The following FN1 variants were observed in gnomAD, a reference collection of about 807,000 sequenced individuals.
FN1 encodes the protein fibronectin 1, also known as fibronectin.
In FN1, 106 loss-of-function variants were observed where a neutral mutation model predicts 297.3. The ratio of observed to expected loss-of-function variants is 0.36; its 90% confidence interval spans 0.30 to 0.42. The LOEUF is 0.42. Among genes scored for constraint, FN1 ranks in the 10% least tolerant of loss-of-function variants. The pLI, the probability that FN1 is intolerant of heterozygous loss-of-function variation, is 1.00. For synonymous variants in FN1, 1,149 were observed against 1,152.6 expected, an observed-to-expected ratio of 1.00 and a Z score of 0.06; for missense variants, 2,690 against 3,124.9, an observed-to-expected ratio of 0.86 and a Z score of 3.32.
intron 26 of FN1, 119 bp downstream of exon 26, chr2:215,391,513 G>T: frequency 2.5e-6 from 2 of 815,280 alleles, no homozygotes; most frequent in Admixed American, 3.6e-5. Context: ...TGAATTCAGA[G>T]TTTAGTTTGT....
chr2:215,403,153 ACTAT>A (rs2061354041), intron 20 of FN1, among the ~76,000 whole-genome samples: 2 of 152,174 alleles, frequency 1.3e-5, no homozygotes, highest in Non-Finnish European at 2.9e-5. Context: ...TAGATCTTAG[ACTAT>A]CTTAGAACCG....
chr2:215,435,432 A>C (rs1186538266), intron 1 of FN1, among the ~76,000 whole-genome samples: 5 of 152,220 alleles, frequency 3.3e-5, no homozygotes, highest in African/African-American at 4.8e-5. Flanking sequence ...AGAACACGGG[A>C]AAGTCGCAGA....
intron 12 of FN1, among the ~76,000 whole-genome samples, chr2:215,417,127 T>G (rs1454767507): frequency 6.6e-6 from 1 of 152,238 alleles, no homozygotes; most frequent in Non-Finnish European, 1.5e-5. Flanking sequence ...TTAAAAATTA[T>G]GACATCTTTT....
intron 23 of FN1, 83 bp from the exon 24 acceptor site, chr2:215,394,802 A>C: frequency 1.9e-6 from 2 of 1,071,344 alleles, no homozygotes; most frequent in Non-Finnish European, 2.9e-6. Flanking sequence ...TGATGGATTC[A>C]CAGGGCGGAA....
rs775695598 is a variant in FN1, at chr2:215,384,954, C to T, written c.4635G>A (p.Leu1545=). 1.9e-6 allele frequency: 3 copies of T among 1,613,796 alleles called. No homozygotes were observed. The South Asian group carries it at 3.3e-5, about 18-fold the overall frequency. ...QSTVSDVPRD[L]EVVAATPTSL... ...TGGTGGGGGTCGCAGCAACAACTTC[C>T]AGGTCCCTCGGAACATCAGAAACTA... Residue 1545 remains leucine, a synonymous_variant, in exon 29 of 46, where the codon CTG becomes CTA. Transcript: ENST00000354785.
At chr2:215,435,464 G>A (rs78139478) in intron 1 of FN1, among the ~76,000 whole-genome samples, 191 bp downstream of exon 1, 123 of 152,278 alleles carry the variant, frequency 8.1e-4, no homozygotes, top group South Asian at 1.9e-3. Flanking sequence ...CCAATGCACG[G>A]TCTTATCATC....
At chr2:215,419,462 T>G in intron 11 of FN1, 77 bp from the exon 12 acceptor site, 1 of 1,200,640 alleles carries the variant, frequency 8.3e-7, no homozygotes, top group Non-Finnish European at 1.2e-6. Context: ...TGCTAGAGCA[T>G]ACATTTAGCT....
chr2:215,428,364 T>C, intron 5 of FN1, 26 bp from the exon 6 acceptor site: 1 of 1,611,572 alleles, frequency 6.2e-7, no homozygotes, highest in Non-Finnish European at 8.5e-7. Flanking sequence ...AGCACATACA[T>C]ACATCAGGTC....
intron 5 of FN1, among the ~76,000 whole-genome samples, 163 bp from the exon 6 acceptor site, chr2:215,428,501 T>G (rs1575845223): frequency 1.3e-5 from 2 of 152,362 alleles, no homozygotes; most frequent in Middle Eastern, 6.8e-3. Context: ...AAGATGAAAT[T>G]ACATTTGTTA....
Position 215,426,297 on chromosome 2 carries a change from C to T in FN1, c.845-1012G>A, listed in dbSNP as rs370821197. ...CCGAGTAGCTGGGACTACAGGCACC[C>T]GCCACCACGCCCGGCTAATTTTTTG... On this transcript the variant is annotated intron_variant, in intron 6 of 45. Coordinates refer to ENST00000354785, the MANE Select transcript of FN1 (RefSeq NM_212482.4). Among the ~76,000 whole-genome samples the T allele has an allele frequency of 8.1e-3, 1,237 of 151,788 alleles. 23 individuals carry two copies. The highest frequency in any genetic ancestry group is 0.028 in the African/African-American group (1,174 of 41,396).
chr2:215,368,074 G>A (rs759807963), intron 41 of FN1, 47 bp from the exon 42 acceptor site: 18 of 1,585,598 alleles, frequency 1.1e-5, no homozygotes, highest in African/African-American at 4.0e-5. Flanking sequence ...CTTATTAATC[G>A]ATTTGGACCA....
chr2:215,419,821 A>G (rs959442404), intron 11 of FN1, among the ~76,000 whole-genome samples: 1 of 152,214 alleles, frequency 6.6e-6, no homozygotes, highest in Admixed American at 6.5e-5. Flanking sequence ...AATGAACTAG[A>G]CTTTACGAGT....
chr2:215,410,754 G>T (rs184951551), intron 13 of FN1, among the ~76,000 whole-genome samples: 1 of 152,064 alleles, frequency 6.6e-6, no homozygotes, highest in East Asian at 1.9e-4. Flanking sequence ...TGATCCACCC[G>T]CCTCGGACTC....
At chr2:215,412,132 A>G (rs1172218180) in intron 13 of FN1, among the ~76,000 whole-genome samples, 1 of 152,184 alleles carries the variant, frequency 6.6e-6, no homozygotes, top group Admixed American at 6.5e-5. Context: ...ACTGGACATC[A>G]AGTTCTGCAA....
At chr2:215,405,736 C>G (rs1366870123) in intron 19 of FN1, among the ~76,000 whole-genome samples, 1 of 151,948 alleles carries the variant, frequency 6.6e-6, no homozygotes, top group Admixed American at 6.6e-5. Context: ...GAGCGAGACT[C>G]CATCTCAAAA....
intron 13 of FN1, among the ~76,000 whole-genome samples, chr2:215,413,175 C>T (rs2062922377): frequency 1.3e-5 from 2 of 152,096 alleles, no homozygotes; most frequent in South Asian, 4.1e-4. Flanking sequence ...GGTGCAATGG[C>T]GCGATCTTGG....
intron 28 of FN1, among the ~76,000 whole-genome samples, chr2:215,385,574 A>G (rs1559406457): frequency 1.3e-5 from 2 of 151,488 alleles, no homozygotes; most frequent in Non-Finnish European, 2.9e-5. Context: ...GAAGAAAAAA[A>G]AAAAAAAAAA....
At chr2:215,401,092 G>A (rs1012939008) in intron 20 of FN1, among the ~76,000 whole-genome samples, 3 of 89,250 alleles carry the variant, frequency 3.4e-5, no homozygotes, top group African/African-American at 1.2e-4. Context: ...CATCACACCT[G>A]GCCAAAAAAA....
intron 45 of FN1, 94 bp downstream of exon 45, chr2:215,361,875 T>G: frequency 6.8e-7 from 1 of 1,477,224 alleles, no homozygotes; most frequent in Non-Finnish European, 9.1e-7. Context: ...TTTTTTTTAA[T>G]TAATTAAAAC....
Sources: allele counts gnomAD v4.1 joint callset (sites outside exome capture counted in the v4.1 genomes callset), GRCh38; gene constraint gnomAD v4.1.1; transcripts MANE v1.5; gene names NCBI Gene and HGNC (gene_info 2026-07-23, HGNC 2026-07-21).